CCDC192: variants seen among roughly 807,000 people sequenced by gnomAD.
CCDC192 encodes coiled-coil domain containing 192, also known as coiled-coil domain-containing protein 192.
At chr5:127,827,721 A>G (rs1454306090) in intron 5 of CCDC192, among the ~76,000 whole-genome samples, 1 of 152,222 alleles carries the variant, frequency 6.6e-6, no homozygotes, top group African/African-American at 2.4e-5. Flanking sequence ...CTGGACCAAC[A>G]TATAAATGTC....
At chr5:127,725,435 A>T (rs1292552096) in intron 2 of CCDC192, among the ~76,000 whole-genome samples, 2 of 152,230 alleles carry the variant, frequency 1.3e-5, no homozygotes, top group Non-Finnish European at 2.9e-5. Flanking sequence ...CAAATTGAAA[A>T]TTTTAAACAG....
chr5:127,787,994 A>C (rs931114240), intron 3 of CCDC192, among the ~76,000 whole-genome samples: 1 of 148,532 alleles, frequency 6.7e-6, no homozygotes, highest in Non-Finnish European at 1.5e-5. Context: ...AGGCAGGAGA[A>C]CCTCTTGAAC....
intron 5 of CCDC192, among the ~76,000 whole-genome samples, chr5:127,841,409 T>G (rs926948931): frequency 7.2e-5 from 11 of 152,190 alleles, no homozygotes; most frequent in African/African-American, 2.7e-4. Context: ...TGTTCAACAT[T>G]TTGTGTGGGT....
chr5:127,706,625 T>C (rs1221061610), intron 1 of CCDC192, among the ~76,000 whole-genome samples: 2 of 152,156 alleles, frequency 1.3e-5, no homozygotes, highest in African/African-American at 4.8e-5. Flanking sequence ...CATTTATTTA[T>C]TCAACAAATA....
intron 2 of CCDC192, among the ~76,000 whole-genome samples, chr5:127,742,830 C>A (rs1427101184): frequency 6.6e-6 from 1 of 152,120 alleles, no homozygotes; most frequent in Non-Finnish European, 1.5e-5. Context: ...ATGAAAAATT[C>A]ACAATGTTCT....
rs1398252862 is a variant in CCDC192, at chr5:127,732,569, A to G, written c.115-21699A>G. On this transcript the variant is annotated intron_variant, in intron 2 of 6. Coordinates refer to ENST00000514853, the MANE Select transcript of CCDC192 (RefSeq NM_001317938.2). ...ATATGTTCATTGCAGCACTATTCAC[A>G]ATAGCAAAGACATGGAATTAACCCA... Among the ~76,000 whole-genome samples the G allele has an allele frequency of 1.5e-4, 23 of 152,248 alleles. 1 individual carries two copies. Among genetic ancestry groups the G allele is most frequent in the Admixed American group, 1.5e-3 (23 of 15,284 alleles).
In CCDC192 at chr5:127,934,944, A is replaced by G. The variant is rs114631356; in HGVS notation, c.536-6238A>G. Among the ~76,000 whole-genome samples, 1,249 of 152,330 alleles carry G rather than the reference A, an allele frequency of 8.2e-3. 22 individuals carry two copies. Among genetic ancestry groups the G allele is most frequent in the African/African-American group, 0.029 (1,185 of 41,572 alleles). ...GGCATTTGTACAGAGGAGGAAGCTG[A>G]CATTGTCTTTTAATCCAAACAGCAA... is the stretch of plus-strand genomic sequence containing the variant. On this transcript the variant is annotated intron_variant, in intron 6 of 6. Coordinates refer to ENST00000514853, the MANE Select transcript of CCDC192 (RefSeq NM_001317938.2).
chr5:127,870,284 G>C (rs755640823), intron 5 of CCDC192, among the ~76,000 whole-genome samples: 7 of 152,122 alleles, frequency 4.6e-5, no homozygotes, highest in Non-Finnish European at 7.4e-5. Flanking sequence ...GGTCTCTAAA[G>C]ATATCTTGGC....
At chr5:127,761,021 C>T (rs1233481348) in intron 3 of CCDC192, among the ~76,000 whole-genome samples, 1 of 152,190 alleles carries the variant, frequency 6.6e-6, no homozygotes, top group African/African-American at 2.4e-5. Flanking sequence ...AAAAGAAACA[C>T]TCCGTTCTGA....
intron 5 of CCDC192, among the ~76,000 whole-genome samples, chr5:127,833,284 ATCT>A (rs1415374964): frequency 2.0e-5 from 3 of 152,164 alleles, no homozygotes; most frequent in African/African-American, 7.2e-5. Context: ...TTAAAATTGC[ATCT>A]TGTCAGAATT....
chr5:127,894,840 G>T (rs970688422), intron 6 of CCDC192, among the ~76,000 whole-genome samples: 5 of 152,198 alleles, frequency 3.3e-5, no homozygotes, highest in African/African-American at 1.2e-4. Flanking sequence ...TGTTTTAATT[G>T]TTCCTTAAAG....
At chr5:127,788,951 A>G (rs1756717309) in intron 3 of CCDC192, among the ~76,000 whole-genome samples, 3 of 152,324 alleles carry the variant, frequency 2.0e-5, no homozygotes, top group Non-Finnish European at 2.9e-5. Context: ...ATAAGAAGAG[A>G]AGGAGATAAG....
chr5:127,847,852 AATAC>A (rs1554080659), intron 5 of CCDC192, among the ~76,000 whole-genome samples: 329 of 151,278 alleles, frequency 2.2e-3, no homozygotes, highest in African/African-American at 7.6e-3. Context: ...TAAATAAATA[AATAC>A]ATAAATAAAT....
At chr5:127,819,034 G>A (rs1032370565) in intron 5 of CCDC192, among the ~76,000 whole-genome samples, 2 of 152,156 alleles carry the variant, frequency 1.3e-5, no homozygotes, top group African/African-American at 4.8e-5. Flanking sequence ...GGCTCTTCCT[G>A]TGAGATTATT....
chr5:127,907,985 G>C (rs1279867092), intron 6 of CCDC192, among the ~76,000 whole-genome samples: 1 of 152,182 alleles, frequency 6.6e-6, no homozygotes, highest in Non-Finnish European at 1.5e-5. Flanking sequence ...TATTTGTGAA[G>C]GAAGGAAGAT....
chr5:127,769,406 T>C (rs569947565), intron 3 of CCDC192, among the ~76,000 whole-genome samples: 3 of 151,072 alleles, frequency 2.0e-5, no homozygotes, highest in East Asian at 3.9e-4. Flanking sequence ...TGTTGGATTT[T>C]GTGTGTATGT....
chr5:127,853,343 A>C (rs1344731569), intron 5 of CCDC192, among the ~76,000 whole-genome samples: 1 of 152,134 alleles, frequency 6.6e-6, no homozygotes, highest in Non-Finnish European at 1.5e-5. Context: ...TCTCAAACAC[A>C]TACCCCTTTC....
intron 2 of CCDC192, among the ~76,000 whole-genome samples, chr5:127,728,079 G>A (rs1752435647): frequency 6.6e-6 from 1 of 152,184 alleles, no homozygotes; most frequent in South Asian, 2.1e-4. Flanking sequence ...TGGGGTACCT[G>A]AAAGAGACGG....
intron 6 of CCDC192, among the ~76,000 whole-genome samples, chr5:127,891,377 A>G (rs775087395): frequency 6.6e-6 from 1 of 152,116 alleles, no homozygotes; most frequent in Non-Finnish European, 1.5e-5. Context: ...CTTATGACTC[A>G]TTGAGAGTAC....
Sources: allele counts gnomAD v4.1 joint callset (sites outside exome capture counted in the v4.1 genomes callset), GRCh38; gene constraint gnomAD v4.1.1; transcripts MANE v1.5; gene names NCBI Gene and HGNC (gene_info 2026-07-23, HGNC 2026-07-21).